The following C5 variants were observed in gnomAD, a reference collection of about 807,000 sequenced individuals.
C5 encodes complement C5.
A neutral mutation model predicts 218.8 loss-of-function variants in C5; 140 were observed. That is an observed-to-expected ratio of 0.64 (90% CI 0.56 to 0.74). The LOEUF is 0.74. Among genes scored for constraint, C5 ranks in the 30% least tolerant of loss-of-function variants. The pLI is 0.00. For missense variants in C5, 1,700 were observed against 1,969.6 expected (o/e 0.86, Z 2.59); for synonymous variants, 614 against 682.3 (o/e 0.90, Z 1.56).
In C5 at chr9:120,953,719, T is replaced by G; in HGVS notation, c.4901+11A>C. 2 of 1,613,842 alleles carry G rather than the reference T, an allele frequency of 1.2e-6. No homozygotes were observed. Among genetic ancestry groups the G allele is most frequent in the Non-Finnish European group, 8.5e-7 (1 of 1,179,708 alleles). On this transcript the variant is annotated intron_variant, in intron 40 of 40. Coordinates refer to ENST00000223642, the MANE Select transcript of C5 (RefSeq NM_001735.3). ...GGGAAGATCAGTGACTGAAAAATAT[T>G]GGTGACTTACCTGAAACTGAAATTG... is the stretch of plus-strand genomic sequence containing the variant.
At chr9:121,051,401 G>C (rs1005276947), upstream of C5, among the ~76,000 whole-genome samples, 1 of 152,074 alleles carries the variant, frequency 6.6e-6, no homozygotes, top group Non-Finnish European at 1.5e-5. Context: ...TGGGATTACA[G>C]GCATGAGCCA....
Position 121,008,496 on chromosome 9 carries a change from T to C in C5, c.2260A>G (p.Met754Val). The C allele has an allele frequency of 1.2e-6, 2 of 1,609,186 alleles. No individual in the cohort carries two copies. Among genetic ancestry groups the C allele is most frequent in the Non-Finnish European group, 1.7e-6 (2 of 1,175,602 alleles). Reference protein sequence around the residue: ...HKDMQLGRLHMKTLLPVSKPE... With the variant: ...HKDMQLGRLHVKTLLPVSKPE... The stretch of plus-strand genomic sequence containing the variant: ...TTGCTTACTGGTAACAGGGTCTTCA[T>C]GTCTGGACAAAAAAATCATATTCAA... The change falls in exon 18 of 41, where the codon ATG becomes GTG. Residue 754 changes from methionine (M) to valine (V), a missense_variant and splice_region_variant. Physicochemically the swap from Met to Val is conservative, Grantham distance 21. Transcript: ENST00000223642.
the C5 span, among the ~76,000 whole-genome samples, chr9:121,070,780 G>A: frequency 6.6e-6 from 1 of 151,942 alleles, no homozygotes; most frequent in African/African-American, 2.4e-5. Flanking sequence ...CAAAATTATA[G>A]CTAGATAGGA....
chr9:121,050,979 T>C (rs558487088), upstream of C5, among the ~76,000 whole-genome samples: 1 of 152,336 alleles, frequency 6.6e-6, no homozygotes, highest in East Asian at 1.9e-4. Context: ...AGATATAGAA[T>C]ATCTTTCTTT....
intron 19 of C5, 107 bp from the exon 20 acceptor site, chr9:121,006,165 A>G: frequency 2.8e-6 from 3 of 1,062,272 alleles, no homozygotes; most frequent in Non-Finnish European, 4.3e-6. Context: ...AAAAAATAAT[A>G]TTAGATCATG....
chr9:121,004,121 G>A (rs1460452932), intron 20 of C5, among the ~76,000 whole-genome samples: 1 of 152,006 alleles, frequency 6.6e-6, no homozygotes, highest in Admixed American at 6.6e-5. Flanking sequence ...CACCCGCCTC[G>A]GCCTCCCAAA....
At chr9:121,020,839 C>T (rs1313791625) in intron 11 of C5, among the ~76,000 whole-genome samples, 1 of 152,154 alleles carries the variant, frequency 6.6e-6, no homozygotes, top group African/African-American at 2.4e-5. Context: ...ATTTCCTGAG[C>T]CACACAATGG....
chr9:120,966,606 T>C (rs928851034), intron 33 of C5, among the ~76,000 whole-genome samples: 5 of 152,118 alleles, frequency 3.3e-5, no homozygotes, highest in Non-Finnish European at 7.4e-5. Flanking sequence ...TTGACAACTG[T>C]TACAAATTTA....
At chr9:121,013,643 T>C (rs1263972325) in intron 17 of C5, among the ~76,000 whole-genome samples, 1 of 152,194 alleles carries the variant, frequency 6.6e-6, no homozygotes, top group Non-Finnish European at 1.5e-5. Context: ...ATGGGATGAC[T>C]TGGCTTTAAG....
chr9:120,998,403 T>A (rs1320535680), intron 20 of C5, among the ~76,000 whole-genome samples: 1 of 152,258 alleles, frequency 6.6e-6, no homozygotes, highest in Middle Eastern at 3.2e-3. Flanking sequence ...TTTACATGTT[T>A]GTGTTTCAGA....
chr9:120,966,971 T>A (rs2046873023), intron 33 of C5, among the ~76,000 whole-genome samples: 1 of 151,752 alleles, frequency 6.6e-6, no homozygotes, highest in South Asian at 2.1e-4. Flanking sequence ...TTGAAAGAGG[T>A]GGTTTAGGCT....
intron 20 of C5, among the ~76,000 whole-genome samples, chr9:121,002,299 T>C (rs1268087848): frequency 6.4e-5 from 6 of 93,280 alleles, no homozygotes; most frequent in Admixed American, 1.2e-4. Context: ...TGTATATATG[T>C]ATATATATAT....
At chr9:120,981,009 C>T (rs1057008906) in intron 27 of C5, among the ~76,000 whole-genome samples, 5 of 152,152 alleles carry the variant, frequency 3.3e-5, no homozygotes, top group Admixed American at 2.6e-4. Context: ...CAGAAAGAAA[C>T]CCTAACTGCC....
intron 28 of C5, among the ~76,000 whole-genome samples, chr9:120,977,298 T>C (rs2046960762): frequency 6.6e-6 from 1 of 152,212 alleles, no homozygotes; most frequent in Non-Finnish European, 1.5e-5. Flanking sequence ...GTAAAGTATA[T>C]ATGAAACATA....
chr9:121,052,977 T>G (rs2047680150), upstream of C5, among the ~76,000 whole-genome samples: 1 of 152,108 alleles, frequency 6.6e-6, no homozygotes, highest in South Asian at 2.1e-4. Context: ...GTTGTAAATT[T>G]AGAGAATAAA....
At chr9:121,005,192 C>T (rs879505707) in intron 20 of C5, among the ~76,000 whole-genome samples, 2 of 152,098 alleles carry the variant, frequency 1.3e-5, no homozygotes, top group Non-Finnish European at 2.9e-5. Context: ...TTATATAATT[C>T]TCTTTAGGGG....
chr9:121,036,137 G>T (rs2047522465), intron 4 of C5, among the ~76,000 whole-genome samples: 1 of 152,086 alleles, frequency 6.6e-6, no homozygotes, highest in African/African-American at 2.4e-5. Flanking sequence ...TTCACAGTTG[G>T]ATTTTAGAGG....
In C5 at chr9:120,992,505, A is replaced by G. The variant is rs986352927; in HGVS notation, c.2852-1225T>C. The stretch of plus-strand genomic sequence containing the variant: ...GCCTGGCATACAATTCATGCTCAAT[A>G]TATGATACTTATTACAGATAGCCTT... On this transcript the variant is annotated intron_variant, in intron 22 of 40. Coordinates refer to ENST00000223642, the MANE Select transcript of C5 (RefSeq NM_001735.3). 2.0e-5 allele frequency among the ~76,000 whole-genome samples: 3 copies of G among 152,230 alleles called. No homozygotes were observed. In the East Asian group the frequency reaches 5.8e-4, roughly 29 times the overall value.
chr9:121,050,150 A>G (rs1198599235), intron 1 of C5, 32 bp downstream of exon 1: 12 of 1,519,090 alleles, frequency 7.9e-6, no homozygotes, highest in Non-Finnish European at 1.1e-5. Flanking sequence ...ACTAAGATGC[A>G]TTGAAAAATG....
Sources: allele counts gnomAD v4.1 joint callset (sites outside exome capture counted in the v4.1 genomes callset), GRCh38; gene constraint gnomAD v4.1.1; transcripts MANE v1.5; gene names NCBI Gene and HGNC (gene_info 2026-07-23, HGNC 2026-07-21).